RNGTT: variants seen among roughly 807,000 people sequenced by gnomAD.
RNGTT encodes the protein mRNA-capping enzyme.
Under a neutral mutation model 79.3 loss-of-function variants are expected in RNGTT, and 33 were observed. The ratio of observed to expected loss-of-function variants is 0.42; its 90% CI spans 0.32 to 0.56. RNGTT has a LOEUF of 0.56. RNGTT is among the 20% of genes least tolerant of loss of function. The pLI is 0.17. For synonymous variants in RNGTT, 222 were observed against 235.9 expected, an observed-to-expected ratio of 0.94 and a Z score of 0.54; for missense variants, 497 against 739.1, an observed-to-expected ratio of 0.67 and a Z score of 3.80.
intron 14 of RNGTT, among the ~76,000 whole-genome samples, chr6:88,638,679 C>T (rs1582263656): frequency 6.6e-6 from 1 of 152,098 alleles, no homozygotes; most frequent in Admixed American, 6.5e-5. Context: ...ATAAAATATT[C>T]GTTATTTTTA....
In RNGTT at chr6:88,619,706, C is replaced by T. The variant is rs945773107; in HGVS notation, c.1507-5311G>A. ...TTTCTTTTCTGAAGTTATAATTCTA[C>T]CTTTTGATAATTCAAAATCTACTTC... is the stretch of plus-strand genomic sequence containing the variant. On this transcript the variant is annotated intron_variant, in intron 14 of 15. Coordinates refer to ENST00000369485, the MANE Select transcript of RNGTT (RefSeq NM_003800.5). 3.3e-5 allele frequency among the ~76,000 whole-genome samples: 5 copies of T among 152,222 alleles called. No individual in the cohort carries two copies. The South Asian group carries it at 8.3e-4, about 25-fold the overall frequency.
chr6:88,669,618 G>C (rs907476822), intron 14 of RNGTT, among the ~76,000 whole-genome samples: 3 of 152,216 alleles, frequency 2.0e-5, no homozygotes, highest in Non-Finnish European at 4.4e-5. Flanking sequence ...GTTGCAAACT[G>C]TTTGGGCCCA....
At chr6:88,713,686 A>G (rs1013303250) in intron 13 of RNGTT, among the ~76,000 whole-genome samples, 4 of 152,196 alleles carry the variant, frequency 2.6e-5, no homozygotes, top group Admixed American at 2.0e-4. Context: ...AAAAAATTAA[A>G]TGGAATTGTT....
At chr6:88,687,109 A>G (rs540913555) in intron 13 of RNGTT, among the ~76,000 whole-genome samples, 2 of 152,322 alleles carry the variant, frequency 1.3e-5, no homozygotes, top group East Asian at 1.9e-4. Flanking sequence ...ACTCTTAAAC[A>G]TTGAGAAGAA....
At chr6:88,821,662 A>T (rs1159310780) in intron 11 of RNGTT, among the ~76,000 whole-genome samples, 1 of 152,038 alleles carries the variant, frequency 6.6e-6, no homozygotes, top group Non-Finnish European at 1.5e-5. Flanking sequence ...AATATGCCTA[A>T]GCAAACTGAA....
chr6:88,670,863 G>A (rs1000018652), intron 14 of RNGTT, among the ~76,000 whole-genome samples: 9 of 152,144 alleles, frequency 5.9e-5, no homozygotes, highest in Admixed American at 1.3e-4. Context: ...CTTGAGACGC[G>A]AGTCTACCAA....
chr6:88,695,263 T>C (rs75520887), intron 13 of RNGTT, among the ~76,000 whole-genome samples: 2 of 151,888 alleles, frequency 1.3e-5, no homozygotes, highest in South Asian at 2.1e-4. Flanking sequence ...AGCGAGACAT[T>C]TGATAAGGGA....
rs142397494 is a variant in RNGTT, at chr6:88,944,033, T to C, written c.65-2853A>G. Among the ~76,000 whole-genome samples, 164 of 152,284 alleles carry C rather than the reference T, an allele frequency of 1.1e-3. 1 individual carries two copies. The highest frequency in any genetic ancestry group is 3.8e-3 in the African/African-American group (159 of 41,556). On this transcript the variant is annotated intron_variant, in intron 1 of 15. Transcript: ENST00000369485. ...CAATCCTACCACACACCATTAGCTC[T>C]CCTTTATGATAAATATTTTACATCT...
At chr6:88,642,400 G>C (rs1334550054) in intron 14 of RNGTT, among the ~76,000 whole-genome samples, 4 of 152,064 alleles carry the variant, frequency 2.6e-5, no homozygotes, top group Admixed American at 2.6e-4. Flanking sequence ...ATATCAAAGG[G>C]AAAATTTTAC....
At chr6:88,622,910 G>A (rs951649197) in intron 14 of RNGTT, among the ~76,000 whole-genome samples, 2 of 152,062 alleles carry the variant, frequency 1.3e-5, no homozygotes, top group South Asian at 2.1e-4. Context: ...AGTGTGAAAG[G>A]CAGACAACAA....
chr6:88,742,085 G>A (rs1777511042), intron 13 of RNGTT, among the ~76,000 whole-genome samples: 1 of 152,182 alleles, frequency 6.6e-6, no homozygotes, highest in East Asian at 1.9e-4. Context: ...ACACTGCACT[G>A]TAAAAACAAG....
At chr6:88,638,550 C>A (rs1773186082) in intron 14 of RNGTT, among the ~76,000 whole-genome samples, 1 of 151,990 alleles carries the variant, frequency 6.6e-6, no homozygotes, top group Non-Finnish European at 1.5e-5. Flanking sequence ...AATGTTCTAC[C>A]TAATTGTAAA....
intron 8 of RNGTT, among the ~76,000 whole-genome samples, chr6:88,876,193 T>C (rs931581318): frequency 6.6e-6 from 1 of 152,204 alleles, no homozygotes; most frequent in Non-Finnish European, 1.5e-5. Flanking sequence ...ATACATGTTA[T>C]AACAATGAAA....
At chr6:88,689,382 T>C (rs1224926775) in intron 13 of RNGTT, among the ~76,000 whole-genome samples, 1 of 152,082 alleles carries the variant, frequency 6.6e-6, no homozygotes, top group African/African-American at 2.4e-5. Context: ...TCACCTAAGG[T>C]CAGCGGTTCG....
intron 11 of RNGTT, among the ~76,000 whole-genome samples, chr6:88,838,169 G>C (rs572652121): frequency 1.3e-5 from 2 of 152,078 alleles, no homozygotes; most frequent in Non-Finnish European, 2.9e-5. Context: ...ATATTTAATA[G>C]TTAAAAACAA....
intron 2 of RNGTT, among the ~76,000 whole-genome samples, chr6:88,939,935 T>C (rs1784794119): frequency 6.6e-6 from 1 of 151,374 alleles, no homozygotes; most frequent in Non-Finnish European, 1.5e-5. Context: ...TTTTTTAATT[T>C]TTTGTAGAGA....
chr6:88,796,780 A>G (rs1483948190), intron 12 of RNGTT, among the ~76,000 whole-genome samples: 2 of 152,208 alleles, frequency 1.3e-5, no homozygotes, highest in East Asian at 3.8e-4. Flanking sequence ...TAGGAAGCTT[A>G]TTACAAATAC....
At position 88,770,016 on chromosome 6, in the gene RNGTT, C is replaced by T; in HGVS notation, c.1339-142G>A. 12 of 569,148 alleles carry T rather than the reference C, an allele frequency of 2.1e-5. 1 individual carries two copies. In the South Asian group the frequency reaches 3.1e-4, roughly 15 times the overall value. The allele number at this position is 569,148 out of a possible 1,614,324, so 35.3% of individuals were successfully genotyped here. A position where few individuals can be genotyped will look rare whatever the true frequency, so the allele number is the denominator to read the frequency against. On this transcript the variant is annotated intron_variant, in intron 12 of 15. Coordinates refer to ENST00000369485, the MANE Select transcript of RNGTT (RefSeq NM_003800.5). ...TTTAATCTTCAACCAACAAGTCAGGCTAGATATCTACCTTCTTATTGATGA... is the reference window on the plus strand; with the variant it reads ...TTTAATCTTCAACCAACAAGTCAGGTTAGATATCTACCTTCTTATTGATGA...
chr6:88,709,108 G>T (rs912872762), intron 13 of RNGTT, among the ~76,000 whole-genome samples: 1 of 152,086 alleles, frequency 6.6e-6, no homozygotes, highest in Non-Finnish European at 1.5e-5. Context: ...AGGAGTTCGA[G>T]ACCAGTCTGA....
Sources: allele counts gnomAD v4.1 joint callset (sites outside exome capture counted in the v4.1 genomes callset), GRCh38; gene constraint gnomAD v4.1.1; transcripts MANE v1.5; gene names NCBI Gene and HGNC (gene_info 2026-07-23, HGNC 2026-07-21).